The following SEMA5A variants were observed in gnomAD, a reference collection of about 807,000 sequenced individuals.
SEMA5A encodes the protein semaphorin 5A.
Under a neutral mutation model 135.5 loss-of-function variants are expected in SEMA5A, and 55 were observed. That is an observed-to-expected ratio of 0.41 (90% CI 0.33 to 0.51). The LOEUF (loss-of-function observed/expected upper bound fraction) is 0.51, where lower values mean the gene tolerates loss of function less well. Ranked by LOEUF, SEMA5A falls within the 20% of genes least tolerant of loss-of-function variation. The pLI is 0.37. For synonymous variants in SEMA5A, 580 were observed against 546.5 expected (o/e 1.06, Z -0.85); for missense variants, 1,290 against 1,419.9 (o/e 0.91, Z 1.47).
At chr5:9,358,920 T>A (rs1236352293) in intron 3 of SEMA5A, among the ~76,000 whole-genome samples, 1 of 149,946 alleles carries the variant, frequency 6.7e-6, no homozygotes, top group Non-Finnish European at 1.5e-5. Flanking sequence ...CTCTCAAAAT[T>A]TTTTGATTCA....
chr5:9,098,293 A>C (rs1396992452), intron 16 of SEMA5A, among the ~76,000 whole-genome samples: 1 of 151,212 alleles, frequency 6.6e-6, no homozygotes, highest in Non-Finnish European at 1.5e-5. Context: ...AACAAGCAAC[A>C]CTACTCCAGG....
intron 16 of SEMA5A, among the ~76,000 whole-genome samples, chr5:9,105,074 T>A (rs1471175474): frequency 6.6e-6 from 1 of 152,172 alleles, no homozygotes; most frequent in Non-Finnish European, 1.5e-5. Context: ...CATCTCAAGT[T>A]CACAGAGTTA....
intron 11 of SEMA5A, among the ~76,000 whole-genome samples, chr5:9,189,002 C>T (rs1744951268): frequency 6.6e-6 from 1 of 152,230 alleles, no homozygotes; most frequent in Non-Finnish European, 1.5e-5. Context: ...TCTGCCCACT[C>T]AGTGGTCACA....
At chr5:9,179,906 A>C (rs946381126) in intron 11 of SEMA5A, among the ~76,000 whole-genome samples, 1 of 152,152 alleles carries the variant, frequency 6.6e-6, no homozygotes, top group African/African-American at 2.4e-5. Context: ...AAGCAGCGGA[A>C]ATGTATTTGC....
intron 3 of SEMA5A, among the ~76,000 whole-genome samples, chr5:9,378,006 T>A (rs1048824887): frequency 6.6e-6 from 1 of 152,154 alleles, no homozygotes; most frequent in African/African-American, 2.4e-5. Flanking sequence ...ACACTGGGCT[T>A]AAAATGCTAT....
At chr5:9,179,864 C>T (rs1052092189) in intron 11 of SEMA5A, among the ~76,000 whole-genome samples, 1 of 152,244 alleles carries the variant, frequency 6.6e-6, no homozygotes, top group East Asian at 1.9e-4. Flanking sequence ...CCTAGGGGTG[C>T]TGCAATAAAG....
intron 1 of SEMA5A, among the ~76,000 whole-genome samples, chr5:9,544,510 C>G (rs1182623126): frequency 6.6e-6 from 1 of 152,090 alleles, no homozygotes; most frequent in Admixed American, 6.5e-5. Context: ...ATCAGCTCCC[C>G]CAACCCCCGG....
At chr5:9,493,178 T>G (rs1735119330) in intron 1 of SEMA5A, among the ~76,000 whole-genome samples, 1 of 151,934 alleles carries the variant, frequency 6.6e-6, no homozygotes, top group South Asian at 2.1e-4. Context: ...AAAACTGCTC[T>G]AAAAATAAAG....
chr5:9,106,786 C>T (rs1253190825), intron 16 of SEMA5A, among the ~76,000 whole-genome samples: 3 of 152,250 alleles, frequency 2.0e-5, no homozygotes, highest in East Asian at 3.9e-4. Context: ...AATAAATATA[C>T]ATCGTAATGA....
At chr5:9,051,770 C>T in intron 20 of SEMA5A, 103 bp downstream of exon 20, 2 of 1,420,490 alleles carry the variant, frequency 1.4e-6, no homozygotes, top group Admixed American at 3.7e-5. Flanking sequence ...GGAATCATCT[C>T]TATTTCACCA....
At chr5:9,284,644 T>C (rs1579279597) in intron 5 of SEMA5A, among the ~76,000 whole-genome samples, 1 of 152,272 alleles carries the variant, frequency 6.6e-6, no homozygotes, top group East Asian at 1.9e-4. Context: ...GTAATTCTTT[T>C]GGGGGGTAAA....
At chr5:9,108,396 G>C in intron 15 of SEMA5A, 109 bp from the exon 16 acceptor site, 2 of 1,249,542 alleles carry the variant, frequency 1.6e-6, no homozygotes, top group Non-Finnish European at 2.3e-6. Flanking sequence ...GGCATGCTCT[G>C]CGTGGAGGAG....
intron 1 of SEMA5A, among the ~76,000 whole-genome samples, chr5:9,534,898 G>T (rs1737670673): frequency 6.6e-6 from 1 of 152,158 alleles, no homozygotes; most frequent in African/African-American, 2.4e-5. Flanking sequence ...TGCCTTTCAG[G>T]ATTTCAATGG....
chr5:9,183,943 G>A (rs186322293), intron 11 of SEMA5A, among the ~76,000 whole-genome samples: 13 of 152,256 alleles, frequency 8.5e-5, no homozygotes, highest in East Asian at 7.7e-4. Context: ...TTCCTCTAAT[G>A]TGTGTATATA....
rs570630334 is a variant in SEMA5A at position 9,220,472 on chromosome 5, A to G, written c.646+4202T>C. 2.0e-5 allele frequency among the ~76,000 whole-genome samples: 3 copies of G among 152,286 alleles called. No homozygotes were observed. In the South Asian group the frequency reaches 6.2e-4, roughly 32 times the overall value. ...GAAAACTAAGAAAAAACAACAAAAA[A>G]ACTTCAGAATAGATGGGAATCCAAG... On this transcript the variant is annotated intron_variant, in intron 8 of 22. Transcript: ENST00000382496.
chr5:9,456,649 G>A (rs1203572094), intron 1 of SEMA5A, among the ~76,000 whole-genome samples: 1 of 152,122 alleles, frequency 6.6e-6, no homozygotes, highest in African/African-American at 2.4e-5. Context: ...GGAGAAAAGG[G>A]AGGTCTAAGT....
chr5:9,152,410 AAC>A, intron 12 of SEMA5A, among the ~76,000 whole-genome samples: 1 of 152,312 alleles, frequency 6.6e-6, no homozygotes, highest in East Asian at 1.9e-4. Context: ...CACAAACCAG[AAC>A]ACATTTCAAG....
chr5:9,294,542 A>C (rs997221388), intron 5 of SEMA5A, among the ~76,000 whole-genome samples: 1 of 152,210 alleles, frequency 6.6e-6, no homozygotes, highest in African/African-American at 2.4e-5. Context: ...TACACTTGGA[A>C]TGTCTCAATA....
rs181934944 is a variant in SEMA5A at position 9,342,563 on chromosome 5, C to T, written c.125-4751G>A. Among the ~76,000 whole-genome samples the T allele has an allele frequency of 5.5e-4, 84 of 152,210 alleles. No individual in the cohort carries two copies. The Middle Eastern group carries it at 0.014, about 25-fold the overall frequency. ...GGTGGGTAAAGATTGTTGAAAAGCA[C>T]GGAGAGCAACTTACATAACACACAT... On this transcript the variant is annotated intron_variant, in intron 3 of 22. Transcript: ENST00000382496.
Sources: allele counts gnomAD v4.1 joint callset (sites outside exome capture counted in the v4.1 genomes callset), GRCh38; gene constraint gnomAD v4.1.1; transcripts MANE v1.5; gene names NCBI Gene and HGNC (gene_info 2026-07-23, HGNC 2026-07-21).